PARK7: variants seen among roughly 807,000 people sequenced by gnomAD.
PARK7 encodes the protein Parkinsonism associated deglycase.
Under a neutral mutation model 20.5 loss-of-function variants are expected in PARK7, and 14 were observed. The observed-to-expected ratio is 0.68, with a 90% CI of 0.45 to 1.07. The LOEUF (loss-of-function observed/expected upper bound fraction) is 1.07. Ranked by LOEUF, PARK7 falls within the 50% of genes least tolerant of loss-of-function variation. The pLI, the probability that PARK7 is intolerant of heterozygous loss-of-function variation, is 0.00. For missense variants in PARK7, 234 were observed against 238.1 expected, an observed-to-expected ratio of 0.98 and a Z score of 0.11; for synonymous variants, 98 against 84.3, an observed-to-expected ratio of 1.16 and a Z score of -0.89.
chr1:7,967,455 T>C (rs1159163958), intron 3 of PARK7, among the ~76,000 whole-genome samples: 2 of 152,234 alleles, frequency 1.3e-5, no homozygotes, highest in East Asian at 3.8e-4. Context: ...CTGGACCATA[T>C]GGTAGTTCCA....
At chr1:7,974,050 C>G (rs1041830880) in intron 5 of PARK7, among the ~76,000 whole-genome samples, 21 of 151,832 alleles carry the variant, frequency 1.4e-4, no homozygotes, top group East Asian at 1.9e-4. Flanking sequence ...TGGCTCATAG[C>G]TGTAATCCTA....
chr1:7,976,600 C>T (rs1640588080), intron 5 of PARK7, among the ~76,000 whole-genome samples: 1 of 152,224 alleles, frequency 6.6e-6, no homozygotes, highest in Admixed American at 6.5e-5. Context: ...ATATCTCACA[C>T]TTCCAGGCAC....
At position 7,965,359 on chromosome 1, in the gene PARK7, C is replaced by G. The variant is rs1337083012; in HGVS notation, c.126C>G (p.Asp42Glu). The G allele has an allele frequency of 6.2e-7, 1 of 1,614,164 alleles. No individual in the cohort carries two copies. Among genetic ancestry groups the G allele is most frequent in the African/African-American group, 1.3e-5 (1 of 75,034 alleles). Residue 42 changes from aspartate to glutamate, a missense_variant, in exon 3 of 7, where the codon GAC (aspartate) becomes GAG (glutamate). Physicochemically the swap from Asp to Glu is conservative, Grantham distance 45. Coordinates refer to ENST00000338639, the MANE Select transcript of PARK7 (RefSeq NM_007262.5). ...KVTVAGLAGKDPVQCSRDVVI... is the reference protein window; with the variant it reads ...KVTVAGLAGKEPVQCSRDVVI... ...CCGTTGCAGGCCTGGCTGGAAAAGA[C>G]CCAGTACAGTGTAGCCGTGATGTGG...
Position 7,977,659 on chromosome 1 carries a change from T to C in PARK7, c.330T>C (p.Thr110=). The change falls in exon 6 of 7, where the codon ACT becomes ACC. Residue 110 remains threonine (T), a synonymous_variant. Transcript: ENST00000338639. ...GLIAAICAGP[T]ALLAHEIGFG... ...TTTTATTTTTATTCTTAGGTCCTAC[T>C]GCTCTGTTGGCTCATGAAATAGGTT... is the stretch of plus-strand genomic sequence containing the variant. 2 of 1,613,824 alleles carry C rather than the reference T, an allele frequency of 1.2e-6. No homozygotes were observed. The highest frequency in any genetic ancestry group is 1.1e-5 in the South Asian group (1 of 91,074).
At chr1:7,981,565 G>A (rs1323997368) in intron 6 of PARK7, among the ~76,000 whole-genome samples, 1 of 152,210 alleles carries the variant, frequency 6.6e-6, no homozygotes, top group Admixed American at 6.5e-5. Flanking sequence ...CACGCAGGGT[G>A]GCTTTGTGCC....
intron 1 of PARK7, chr1:7,962,196 C>T (rs891170257): frequency 6.5e-6 from 1 of 153,428 alleles, no homozygotes; most frequent in African/African-American, 2.4e-5. Context: ...GGGTTGACTT[C>T]AGTGAGGGGA....
intron 2 of PARK7, 60 bp from the exon 3 acceptor site, chr1:7,965,264 A>G (rs1640300065): frequency 6.8e-7 from 1 of 1,465,618 alleles, no homozygotes; most frequent in Non-Finnish European, 9.6e-7. Context: ...TTTTTTAAAG[A>G]CAGTGTTACT....
In PARK7 at chr1:7,964,747, T is replaced by C. The variant is rs1283505430; in HGVS notation, c.91-577T>C. ...TGCCAGCTCTTGGTATTGTTGACTT[T>C]AAAAATTTTTGAAAGATAAAGCAGT... On this transcript the variant is annotated intron_variant, in intron 2 of 6. Coordinates refer to ENST00000338639, the MANE Select transcript of PARK7 (RefSeq NM_007262.5). Among the ~76,000 whole-genome samples, 2 of 152,214 alleles carry C rather than the reference T, an allele frequency of 1.3e-5. 1 individual carries two copies. The highest frequency in any genetic ancestry group is 2.9e-5 in the Non-Finnish European group (2 of 68,040).
rs544337761 is a variant in PARK7, at chr1:7,961,733, G to C, written c.-84G>C. 1 of 153,152 alleles carries C rather than the reference G, an allele frequency of 6.5e-6. No homozygotes were observed. The highest frequency in any genetic ancestry group is 6.5e-5 in the Admixed American group (1 of 15,290). 9.5% of individuals were successfully genotyped at this position (153,152 alleles called of 1,614,324 possible). On this transcript the variant is annotated 5_prime_UTR_variant, in exon 1 of 7. Transcript: ENST00000338639. ...CGTGCGTTCATTTTCAGCCTGGTGT[G>C]GGGTGAGTGGTACCCAACGGGCCGG...
At chr1:7,975,773 C>T (rs1640572858) in intron 5 of PARK7, among the ~76,000 whole-genome samples, 1 of 152,204 alleles carries the variant, frequency 6.6e-6, no homozygotes, top group South Asian at 2.1e-4. Flanking sequence ...GTGCTATCAT[C>T]TATTAAAGTT....
chr1:7,970,963 G>A lies in PARK7; in HGVS notation c.322G>A (p.Gly108Ser), dbSNP rs1252815484. The change falls in exon 5 of 7, where the codon GGT (glycine) becomes AGT (serine). Residue 108 changes from glycine (G) to serine (S), a missense_variant and splice_region_variant. By Grantham distance (56) the Gly-to-Ser change is moderately conservative (BLOSUM62 0). Transcript: ENST00000338639. ...RKGLIAAICA[G>S]PTALLAHEIG... ...GGGCCTGATAGCCGCCATCTGTGCA[G>A]GTGACGTGCAGGGGCAGCCTGTGTT... 2 of 1,614,192 alleles carry A rather than the reference G, an allele frequency of 1.2e-6. No homozygotes were observed. The highest frequency in any genetic ancestry group is 1.7e-6 in the Non-Finnish European group (2 of 1,180,026).
chr1:7,971,944 TAAAATA>T (rs1238547795), intron 5 of PARK7: 1 of 150,822 alleles, frequency 6.6e-6, no homozygotes, highest in Non-Finnish European at 1.5e-5. Context: ...AAAAAAAAAA[TAAAATA>T]AAATAAAATA....
At position 7,985,158 on chromosome 1, in the gene PARK7, C is replaced by T. The variant is rs900136071; in HGVS notation, c.*104C>T. 9.5e-6 allele frequency: 14 copies of T among 1,473,062 alleles called. No individual in the cohort carries two copies. Among genetic ancestry groups the T allele is most frequent in the South Asian group, 2.4e-5 (2 of 82,530 alleles). 91.2% of individuals were successfully genotyped at this position (1,473,062 alleles called of 1,614,324 possible). Reference sequence around the variant, plus strand: ...GTGGTAGGTTAATGTGTTCAGAAGTCGCTGTCCTTACTACTTTTGCGGAAG... The same window carrying T: ...GTGGTAGGTTAATGTGTTCAGAAGTTGCTGTCCTTACTACTTTTGCGGAAG... On this transcript the variant is annotated 3_prime_UTR_variant, in exon 7 of 7. Coordinates refer to ENST00000338639, the MANE Select transcript of PARK7 (RefSeq NM_007262.5).
intron 6 of PARK7, among the ~76,000 whole-genome samples, chr1:7,981,230 C>T (rs67717282): frequency 0.13 from 19,907 of 152,198 alleles, 1,653 homozygotes; most frequent in Non-Finnish European, 0.17. Flanking sequence ...TTTCCTCATC[C>T]GTTGCCTGAG....
At chr1:7,970,832 A>G in intron 4 of PARK7, 62 bp from the exon 5 acceptor site, 6 of 1,509,950 alleles carry the variant, frequency 4.0e-6, no homozygotes, top group Non-Finnish European at 5.5e-6. Context: ...AAAGTTTCCT[A>G]GTGAGTGATT....
rs572515686 is a variant in PARK7 at position 7,962,313 on chromosome 1, C to T, written c.-23-450C>T. Among the ~76,000 whole-genome samples the T allele has an allele frequency of 1.8e-4, 27 of 152,228 alleles. No homozygotes were observed. The East Asian group carries it at 3.1e-3, about 17-fold the overall frequency. On this transcript the variant is annotated intron_variant, in intron 1 of 6. Coordinates refer to ENST00000338639, the MANE Select transcript of PARK7 (RefSeq NM_007262.5). The stretch of plus-strand genomic sequence containing the variant: ...ATAACTAAGAAAACAAAAATCCCCT[C>T]CAAAAAATTACAAGTTAATTGCGAA...
intron 5 of PARK7, 98 bp downstream of exon 5, chr1:7,971,061 G>A (rs1175814913): frequency 6.4e-6 from 8 of 1,240,976 alleles, no homozygotes; most frequent in Non-Finnish European, 9.5e-6. Context: ...CCTTCATAAA[G>A]CATGCAGGGC....
At chr1:7,972,383 G>A (rs916904570) in intron 5 of PARK7, among the ~76,000 whole-genome samples, 6 of 151,934 alleles carry the variant, frequency 3.9e-5, no homozygotes, top group African/African-American at 1.4e-4. Flanking sequence ...TGGGAGGATC[G>A]CTTGAAGGCA....
chr1:7,971,351 A>T (rs1640461248), intron 5 of PARK7: 5 of 287,128 alleles, frequency 1.7e-5, no homozygotes, highest in Middle Eastern at 2.4e-3. Flanking sequence ...CTTGCCCTGC[A>T]AATTCAGAAG....
Sources: allele counts gnomAD v4.1 joint callset (sites outside exome capture counted in the v4.1 genomes callset), GRCh38; gene constraint gnomAD v4.1.1; transcripts MANE v1.5; gene names NCBI Gene and HGNC (gene_info 2026-07-23, HGNC 2026-07-21).